The following CAMTA1 variants were observed in gnomAD, a reference collection of about 807,000 sequenced individuals.
CAMTA1 encodes the protein calmodulin binding transcription activator 1.
In CAMTA1, 27 loss-of-function variants were observed where a neutral mutation model predicts 170.9. The ratio of observed to expected loss-of-function variants is 0.16; its 90% CI spans 0.12 to 0.22. The LOEUF (loss-of-function observed/expected upper bound fraction) is 0.22, where lower values mean the gene tolerates loss of function less well. CAMTA1 is among the 10% of genes least tolerant of loss of function. The pLI is 1.00. For missense variants in CAMTA1, 1,619 were observed against 2,217.2 expected (o/e 0.73, Z 5.42); for synonymous variants, 833 against 891.5 (o/e 0.93, Z 1.17).
intron 3 of CAMTA1, among the ~76,000 whole-genome samples, chr1:6,936,204 A>G (rs986793960): frequency 6.6e-6 from 1 of 152,216 alleles, no homozygotes; most frequent in African/African-American, 2.4e-5. Flanking sequence ...GTTCCTGCCT[A>G]TGATGTGTTG....
intron 5 of CAMTA1, among the ~76,000 whole-genome samples, chr1:7,422,935 A>G (rs1184747612): frequency 2.0e-5 from 3 of 152,228 alleles, no homozygotes; most frequent in African/African-American, 7.2e-5. Flanking sequence ...TGCAATGAAC[A>G]CCTTTCCCAG....
chr1:7,161,684 G>GT (rs1341060118), intron 4 of CAMTA1, among the ~76,000 whole-genome samples: 2 of 152,330 alleles, frequency 1.3e-5, no homozygotes, highest in Admixed American at 1.3e-4. Context: ...ACATGGAACT[G>GT]TAAGTCCAAT....
At chr1:7,415,966 A>T (rs1478665547) in intron 5 of CAMTA1, among the ~76,000 whole-genome samples, 2 of 152,094 alleles carry the variant, frequency 1.3e-5, no homozygotes, top group Non-Finnish European at 2.9e-5. Flanking sequence ...CGGTGACAAA[A>T]TCTCTCAGCG....
In CAMTA1 at chr1:7,146,728, C is replaced by T. The variant is rs1195144252; in HGVS notation, c.302+55357C>T. ...AGAAGGGTTTGGCGTATTGCACACA[C>T]ACAAACACACACTCAAACATAAACC... On this transcript the variant is annotated intron_variant, in intron 4 of 22. Transcript: ENST00000303635. This position sits in a 1 kb window ranked among gnomAD's most constrained non-coding sequence, Gnocchi z 4.3. Among the ~76,000 whole-genome samples, 3 of 152,058 alleles carry T rather than the reference C, an allele frequency of 2.0e-5. No individual in the cohort carries two copies. The highest frequency in any genetic ancestry group is 4.4e-5 in the Non-Finnish European group (3 of 68,008).
intron 4 of CAMTA1, among the ~76,000 whole-genome samples, chr1:7,126,727 A>G (rs1418873479): frequency 2.0e-5 from 3 of 152,150 alleles, no homozygotes; most frequent in African/African-American, 7.2e-5. Context: ...AACCTCATGC[A>G]TCTGTCTGCC....
intron 7 of CAMTA1, among the ~76,000 whole-genome samples, chr1:7,656,032 C>T (rs1327123951): frequency 6.6e-6 from 1 of 152,164 alleles, no homozygotes; most frequent in Admixed American, 6.5e-5. Flanking sequence ...TTTTCTTCGC[C>T]CTTCCACCAT....
At chr1:7,124,551 C>T (rs554042249) in intron 4 of CAMTA1, among the ~76,000 whole-genome samples, 1 of 152,348 alleles carries the variant, frequency 6.6e-6, no homozygotes, top group South Asian at 2.1e-4. Context: ...CTGCCCCTCG[C>T]TTGACTATAA....
intron 4 of CAMTA1, among the ~76,000 whole-genome samples, chr1:7,242,744 C>T (rs1665082641): frequency 6.6e-6 from 1 of 151,552 alleles, no homozygotes; most frequent in Admixed American, 6.6e-5. Flanking sequence ...CTGGCTAACA[C>T]AGTGAAACCC....
chr1:7,756,742 G>A (rs909395721), intron 22 of CAMTA1, among the ~76,000 whole-genome samples: 6 of 152,170 alleles, frequency 3.9e-5, no homozygotes, highest in South Asian at 2.1e-4. Context: ...CAGCTACTCC[G>A]GAGACTGAGG....
chr1:7,429,331 A>C (rs1320095147), intron 5 of CAMTA1, among the ~76,000 whole-genome samples: 1 of 152,254 alleles, frequency 6.6e-6, no homozygotes, highest in African/African-American at 2.4e-5. Flanking sequence ...AACTATTCGC[A>C]TGGTGATGAT....
At chr1:7,500,091 A>AG (rs2093963460) in intron 6 of CAMTA1, among the ~76,000 whole-genome samples, 4 of 101,784 alleles carry the variant, frequency 3.9e-5, no homozygotes, top group Admixed American at 1.0e-4. Context: ...ATGTGTGTCC[A>AG]TGAGTGTGTA....
At chr1:7,138,576 A>G (rs1645680586) in intron 4 of CAMTA1, among the ~76,000 whole-genome samples, 1 of 152,242 alleles carries the variant, frequency 6.6e-6, no homozygotes, top group Admixed American at 6.5e-5. Context: ...CCACAGGCAT[A>G]CACGTCTTTT....
At chr1:6,877,275 C>T (rs947733515) in intron 3 of CAMTA1, among the ~76,000 whole-genome samples, 7 of 152,180 alleles carry the variant, frequency 4.6e-5, no homozygotes, top group Non-Finnish European at 1.0e-4. Flanking sequence ...CTGTGAAAGT[C>T]GGGAAGCTTT....
At chr1:7,706,383 G>A (rs1314747760) in intron 11 of CAMTA1, among the ~76,000 whole-genome samples, 2 of 152,198 alleles carry the variant, frequency 1.3e-5, no homozygotes, top group African/African-American at 2.4e-5. Context: ...TAAAATGTCT[G>A]GCTATTACAT....
At chr1:7,198,952 C>T (rs1264266480) in intron 4 of CAMTA1, among the ~76,000 whole-genome samples, 2 of 152,148 alleles carry the variant, frequency 1.3e-5, no homozygotes, top group Non-Finnish European at 2.9e-5. Flanking sequence ...CCTTTTTCTT[C>T]TCCAAAGCAC....
At chr1:7,483,697 G>C (rs1417508052) in intron 6 of CAMTA1, among the ~76,000 whole-genome samples, 1 of 152,174 alleles carries the variant, frequency 6.6e-6, no homozygotes, top group Non-Finnish European at 1.5e-5. Context: ...CCAGGGCGGG[G>C]AGCAGGGGGT....
intron 5 of CAMTA1, among the ~76,000 whole-genome samples, chr1:7,319,237 G>A (rs1336652326): frequency 6.6e-6 from 1 of 152,138 alleles, no homozygotes; most frequent in Non-Finnish European, 1.5e-5. Context: ...ATAGTGATAT[G>A]GTTTGGATCT....
At chr1:7,512,258 G>T (rs1009163219) in intron 6 of CAMTA1, among the ~76,000 whole-genome samples, 1 of 152,224 alleles carries the variant, frequency 6.6e-6, no homozygotes, top group African/African-American at 2.4e-5. Context: ...GGCCCCAAAC[G>T]ATGGGCAGAA....
chr1:7,736,768 C>G lies in CAMTA1; in HGVS notation c.3264-163C>G, dbSNP rs1007224717. ...TTGGACTTGTCATTTTCTTTGGACC[C>G]CTAGCCAAATGGAGCGTCCACACTG... On this transcript the variant is annotated intron_variant, in intron 13 of 22. Transcript: ENST00000303635. The surrounding 1 kb of genome is among the most constrained non-coding windows in gnomAD (Gnocchi z 4.5). Among the ~76,000 whole-genome samples the G allele has an allele frequency of 6.6e-6, 1 of 152,120 alleles. No homozygotes were observed. The highest frequency in any genetic ancestry group is 1.5e-5 in the Non-Finnish European group (1 of 68,024).
Sources: gnomAD v4.1 joint callset for allele counts (sites outside exome capture counted in the v4.1 genomes callset) on GRCh38, gnomAD v4.1.1 for gene constraint, Gnocchi (gnomAD v3.1) non-coding constraint, MANE v1.5 for transcripts, NCBI Gene and HGNC (gene_info 2026-07-23, HGNC 2026-07-21) for gene names.